SLC9A1: variants seen among roughly 807,000 people sequenced by gnomAD.
SLC9A1 encodes sodium/hydrogen exchanger 1.
A neutral mutation model predicts 67.9 loss-of-function variants in SLC9A1; 22 were observed. The ratio of observed to expected loss-of-function variants is 0.32; its 90% CI spans 0.23 to 0.46. The LOEUF is 0.46. SLC9A1 is among the 20% of genes least tolerant of loss of function. The pLI is 1.00. For synonymous variants in SLC9A1, 421 were observed against 471.8 expected (o/e 0.89, Z 1.40); for missense variants, 686 against 1,094.8 (o/e 0.63, Z 5.27).
chr1:27,116,953 C>T (rs1256359115), intron 1 of SLC9A1, among the ~76,000 whole-genome samples: 1 of 152,172 alleles, frequency 6.6e-6, no homozygotes, highest in Non-Finnish European at 1.5e-5. Context: ...GTGGCTGACA[C>T]CATATCCTCT....
chr1:27,106,367 C>A lies in SLC9A1; in HGVS notation c.1283-280G>T, dbSNP rs2083184922. Among the ~76,000 whole-genome samples the A allele has an allele frequency of 6.6e-6, 1 of 152,114 alleles. No homozygotes were observed. Among genetic ancestry groups the A allele is most frequent in the Non-Finnish European group, 1.5e-5 (1 of 68,014 alleles). On this transcript the variant is annotated intron_variant, in intron 4 of 11. Coordinates refer to ENST00000263980, the MANE Select transcript of SLC9A1 (RefSeq NM_003047.5). This position sits in a 1 kb window ranked among gnomAD's most constrained non-coding sequence, Gnocchi z 4.3. ...GGGGGCAGGAAGAGGGAGAAAAGAT[C>A]AAACAAGATGGGTCACAGGTCAATA...
At chr1:27,127,433 A>G (rs1013826475) in intron 1 of SLC9A1, among the ~76,000 whole-genome samples, 2 of 152,246 alleles carry the variant, frequency 1.3e-5, no homozygotes, top group Non-Finnish European at 2.9e-5. Flanking sequence ...GAGAACAGAC[A>G]TTGAGAGAGG....
At chr1:27,127,547 G>A (rs962492032) in intron 1 of SLC9A1, among the ~76,000 whole-genome samples, 6 of 151,950 alleles carry the variant, frequency 3.9e-5, no homozygotes, top group African/African-American at 1.4e-4. Flanking sequence ...GTTATGAAAG[G>A]CCACAAATAC....
At position 27,148,237 on chromosome 1, in the gene SLC9A1, TATGAGA is replaced by T. The variant is rs1267652509; in HGVS notation, c.352+5740_352+5745del. Reference sequence around the variant, plus strand: ...GATTTGCTGCTCCACAGATAAGGGCTATGAGAATGTCAGTCCCCAGTGCAACTCTGG... The same window carrying T: ...GATTTGCTGCTCCACAGATAAGGGCTATGTCAGTCCCCAGTGCAACTCTGG... On this transcript the variant is annotated intron_variant, in intron 1 of 11. Transcript: ENST00000263980. Among the ~76,000 whole-genome samples the T allele has an allele frequency of 1.6e-4, 25 of 152,330 alleles. No individual in the cohort carries two copies. In the South Asian group the frequency reaches 5.2e-3, roughly 32 times the overall value.
intron 1 of SLC9A1, among the ~76,000 whole-genome samples, chr1:27,117,918 C>A (rs1054986454): frequency 6.6e-6 from 1 of 152,200 alleles, no homozygotes; most frequent in East Asian, 1.9e-4. Flanking sequence ...AGACTCTGAA[C>A]CTCCGTGAGC....
intron 6 of SLC9A1, among the ~76,000 whole-genome samples, 173 bp downstream of exon 6, chr1:27,103,050 C>T (rs2083159100): frequency 6.6e-6 from 1 of 152,160 alleles, no homozygotes; most frequent in Non-Finnish European, 1.5e-5. Context: ...CTCCCAGCTG[C>T]TCACACCACA....
chr1:27,112,410 C>T (rs536937820), intron 2 of SLC9A1, among the ~76,000 whole-genome samples: 1 of 152,330 alleles, frequency 6.6e-6, no homozygotes, highest in East Asian at 1.9e-4. Flanking sequence ...TGCAGCTGCT[C>T]TGAGCGGGAC....
Position 27,154,588 on chromosome 1 carries a change from C to T in SLC9A1, c.-254G>A, listed in dbSNP as rs1351934279. ...CGAAAGGAGACCAAAAGGTCTGGAA[C>T]TCCGGGCCTGGGAAGGGGGAGGACG... On this transcript the variant is annotated 5_prime_UTR_variant, in exon 1 of 12. Coordinates refer to ENST00000263980, the MANE Select transcript of SLC9A1 (RefSeq NM_003047.5). 2.3e-6 allele frequency: 1 copy of T among 427,836 alleles called. No homozygotes were observed. The highest frequency in any genetic ancestry group is 4.2e-6 in the Non-Finnish European group (1 of 238,938). The allele number at this position is 427,836 out of a possible 1,614,324, so 26.5% of individuals were successfully genotyped here.
rs561683266 is a variant in SLC9A1, at chr1:27,138,264, G to T, written c.352+15719C>A. Among the ~76,000 whole-genome samples, 3 of 152,278 alleles carry T rather than the reference G, an allele frequency of 2.0e-5. No individual in the cohort carries two copies. The East Asian group carries it at 5.8e-4, about 29-fold the overall frequency. On this transcript the variant is annotated intron_variant, in intron 1 of 11. Transcript: ENST00000263980. ...TTCCTCAAGCACACCCCCCTCAGGGGCCCTGGTCTTTGGAAGATGAGCTCT... is the reference window on the plus strand; with the variant it reads ...TTCCTCAAGCACACCCCCCTCAGGGTCCCTGGTCTTTGGAAGATGAGCTCT...
At chr1:27,133,179 T>C (rs1400049429) in intron 1 of SLC9A1, among the ~76,000 whole-genome samples, 1 of 152,096 alleles carries the variant, frequency 6.6e-6, no homozygotes, top group Non-Finnish European at 1.5e-5. Flanking sequence ...GCGATTCTTG[T>C]GCCCCAGCCT....
intron 1 of SLC9A1, among the ~76,000 whole-genome samples, chr1:27,131,488 G>A (rs918590953): frequency 2.0e-5 from 3 of 148,900 alleles, no homozygotes; most frequent in Non-Finnish European, 3.0e-5. Flanking sequence ...GGTGGCTGAT[G>A]CCTGTAATCC....
At chr1:27,112,609 C>T (rs1191590476) in intron 2 of SLC9A1, among the ~76,000 whole-genome samples, 3 of 152,172 alleles carry the variant, frequency 2.0e-5, no homozygotes, top group East Asian at 3.8e-4. Flanking sequence ...GCTGGCTGGG[C>T]GCAGTGGCTC....
rs1000001371 is a variant in SLC9A1, at chr1:27,141,136, A to T, written c.352+12847T>A. 3.7e-4 allele frequency among the ~76,000 whole-genome samples: 56 copies of T among 152,192 alleles called. 1 individual carries two copies. The highest frequency in any genetic ancestry group is 1.2e-3 in the African/African-American group (51 of 41,442). On this transcript the variant is annotated intron_variant, in intron 1 of 11. Transcript: ENST00000263980. Reference sequence around the variant, plus strand: ...AGAATCGCTTGAAGCAGGGAGGCAGAGGTTGCAGTGAGCCAAGATTGTGCC... The same window carrying T: ...AGAATCGCTTGAAGCAGGGAGGCAGTGGTTGCAGTGAGCCAAGATTGTGCC...
In SLC9A1 at chr1:27,119,042, A is replaced by AACACACACACACACAC. The variant is rs35231148; in HGVS notation, c.353-4772_353-4757dup. Among the ~76,000 whole-genome samples, 11 of 139,444 alleles carry AACACACACACACACAC rather than the reference A, an allele frequency of 7.9e-5. No homozygotes were observed. In the East Asian group the frequency reaches 2.2e-3, roughly 27 times the overall value. 91.5% of individuals were successfully genotyped at this position (139,444 alleles called of 152,430 possible). ...TCTAGTGTAGGTGGTAGCTGGAACG[A>AACACACACACACACAC]ACACACACACACACACACACACACA... On this transcript the variant is annotated intron_variant, in intron 1 of 11. Transcript: ENST00000263980.
rs148900744 is a variant in SLC9A1 at position 27,152,856 on chromosome 1, G to A, written c.352+1127C>T. 1.6e-3 allele frequency among the ~76,000 whole-genome samples: 241 copies of A among 152,286 alleles called. 1 individual carries two copies. Among genetic ancestry groups the A allele is most frequent in the African/African-American group, 5.4e-3 (224 of 41,570 alleles). ...CTGCATGTCCTTGGGAGAGCTGGAA[G>A]GTTTCCTGCCAAATTCCCAAACCCA... On this transcript the variant is annotated intron_variant, in intron 1 of 11. Transcript: ENST00000263980.
Position 27,123,913 on chromosome 1 carries a change from G to A in SLC9A1, c.353-9627C>T, listed in dbSNP as rs111687815. On this transcript the variant is annotated intron_variant, in intron 1 of 11. Transcript: ENST00000263980. ...ACGATCTTGGCTCACTGCAACCTCC[G>A]CCTCCCGGGTTCAAGCGATTCTCCT... Among the ~76,000 whole-genome samples, 721 of 152,104 alleles carry A rather than the reference G, an allele frequency of 4.7e-3. 7 individuals are homozygous for A. Among genetic ancestry groups the A allele is most frequent in the African/African-American group, 0.016 (681 of 41,494 alleles).
At position 27,118,753 on chromosome 1, in the gene SLC9A1, C is replaced by T. The variant is rs1281402159; in HGVS notation, c.353-4467G>A. Among the ~76,000 whole-genome samples the T allele has an allele frequency of 6.6e-6, 1 of 152,168 alleles. No individual in the cohort carries two copies. Among genetic ancestry groups the T allele is most frequent in the Admixed American group, 6.5e-5 (1 of 15,274 alleles). ...ATGGATCTTGGAGAGCATCTAAATT[C>T]TCCATTATATAGTCAGGGAAATGGA... is the stretch of plus-strand genomic sequence containing the variant. On this transcript the variant is annotated intron_variant, in intron 1 of 11. Transcript: ENST00000263980. The surrounding 1 kb of genome is among the most constrained non-coding windows in gnomAD (Gnocchi z 4.3).
rs187845764 is a variant in SLC9A1, at chr1:27,139,221, G to A, written c.352+14762C>T. Among the ~76,000 whole-genome samples, 170 of 152,190 alleles carry A rather than the reference G, an allele frequency of 1.1e-3. 3 individuals carry two copies. Among genetic ancestry groups the A allele is most frequent in the African/African-American group, 3.9e-3 (162 of 41,476 alleles). ...TGCAAAGAGCCTTAACCGGTGTCAC[G>A]GCCATTGCCTGATTGGTCACCTTCC... On this transcript the variant is annotated intron_variant, in intron 1 of 11. Transcript: ENST00000263980.
Position 27,107,654 on chromosome 1 carries a change from C to A in SLC9A1, c.1276G>T (p.Val426Leu). 1 of 1,551,814 alleles carries A rather than the reference C, an allele frequency of 6.4e-7. No individual in the cohort carries two copies. Among genetic ancestry groups the A allele is most frequent in the Non-Finnish European group, 8.7e-7 (1 of 1,147,836 alleles). Residue 426 changes from valine (V) to leucine (L), a missense_variant, in exon 4 of 12, where the codon GTG (valine) becomes TTG (leucine). Coordinates refer to ENST00000263980, the MANE Select transcript of SLC9A1 (RefSeq NM_003047.5). ...STLLFCLIAR[V>L]LGVLGLTWFI... ...CCCCAGCCCTGGCCCTCACCCAGCA[C>A]GCGGGCGATGAGGCAGAAGAGCAGG...
Sources: gnomAD v4.1 joint callset for allele counts (sites outside exome capture counted in the v4.1 genomes callset) on GRCh38, gnomAD v4.1.1 for gene constraint, Gnocchi (gnomAD v3.1) non-coding constraint, MANE v1.5 for transcripts, NCBI Gene and HGNC (gene_info 2026-07-23, HGNC 2026-07-21) for gene names.